The following KLHL8 variants were observed in gnomAD, a reference collection of about 807,000 sequenced individuals.
KLHL8 encodes the protein kelch like family member 8.
In KLHL8, 38 loss-of-function variants were observed where a neutral mutation model predicts 63.5. The ratio of observed to expected loss-of-function variants is 0.60; its 90% CI spans 0.46 to 0.78. The LOEUF is 0.78. Ranked by LOEUF, KLHL8 falls within the 30% of genes least tolerant of loss-of-function variation. The pLI is 0.00. For synonymous variants in KLHL8, 224 were observed against 254.3 expected (o/e 0.88, Z 1.13); for missense variants, 566 against 752.4 (o/e 0.75, Z 2.90).
At chr4:87,195,226 T>C (rs907888757) in intron 2 of KLHL8, 98 bp downstream of exon 2, 6 of 833,964 alleles carry the variant, frequency 7.2e-6, no homozygotes, top group Admixed American at 2.7e-5. Context: ...GTATCAAATA[T>C]GTATAGCAAC....
chr4:87,221,520 T>A (rs570835395), upstream of KLHL8: 327 of 151,020 alleles, frequency 2.2e-3, 2 homozygotes, highest in African/African-American at 7.1e-3. Context: ...AAAAACAAAA[T>A]TTTTTTTAAA....
chr4:87,194,666 A>C (rs994350803), intron 2 of KLHL8, among the ~76,000 whole-genome samples: 1 of 152,254 alleles, frequency 6.6e-6, no homozygotes, highest in African/African-American at 2.4e-5. Flanking sequence ...ATGTGTAATG[A>C]GAAACAATCA....
chr4:87,214,448 AT>A (rs1391521024), intron 1 of KLHL8, among the ~76,000 whole-genome samples: 9 of 97,374 alleles, frequency 9.2e-5, no homozygotes, highest in African/African-American at 3.4e-4. Context: ...ATATATATAT[AT>A]ATATATATAT....
chr4:87,216,232 C>G (rs1732590664), intron 1 of KLHL8, among the ~76,000 whole-genome samples: 1 of 152,144 alleles, frequency 6.6e-6, no homozygotes, highest in Non-Finnish European at 1.5e-5. Context: ...GTAGAAGTAG[C>G]AGCACTATTA....
At chr4:87,166,150 G>A (rs1369129865) in intron 8 of KLHL8, among the ~76,000 whole-genome samples, 2 of 152,198 alleles carry the variant, frequency 1.3e-5, no homozygotes, top group Non-Finnish European at 2.9e-5. Flanking sequence ...GTGAACATGA[G>A]TAAATTATTC....
At chr4:87,195,240 A>G (rs1039759187) in intron 2 of KLHL8, 84 bp downstream of exon 2, 2 of 1,040,292 alleles carry the variant, frequency 1.9e-6, no homozygotes, top group Non-Finnish European at 2.8e-6. Flanking sequence ...TAGCAACAAA[A>G]TTTGCCTTGT....
chr4:87,175,174 C>A (rs1352606320), intron 6 of KLHL8, among the ~76,000 whole-genome samples: 1 of 152,056 alleles, frequency 6.6e-6, no homozygotes, highest in East Asian at 1.9e-4. Flanking sequence ...AAACATCCAC[C>A]CAAAATAAAT....
At chr4:87,200,062 G>A (rs997722632) in intron 1 of KLHL8, among the ~76,000 whole-genome samples, 1 of 143,274 alleles carries the variant, frequency 7.0e-6, no homozygotes, top group African/African-American at 2.6e-5. Flanking sequence ...GATCACTTGA[G>A]CCCAAGAATT....
At chr4:87,166,086 C>G (rs753212353) in intron 8 of KLHL8, among the ~76,000 whole-genome samples, 42 of 152,214 alleles carry the variant, frequency 2.8e-4, no homozygotes, top group Non-Finnish European at 5.3e-4. Flanking sequence ...AACATAAGAA[C>G]TTTGGATTCA....
chr4:87,191,776 C>A (rs1731500583), intron 2 of KLHL8, among the ~76,000 whole-genome samples: 1 of 151,564 alleles, frequency 6.6e-6, no homozygotes, highest in Non-Finnish European at 1.5e-5. Context: ...CTCCTTCCCC[C>A]ATATTGTATC....
At chr4:87,173,386 C>CCAAAG (rs1393608856) in intron 6 of KLHL8, among the ~76,000 whole-genome samples, 2 of 152,148 alleles carry the variant, frequency 1.3e-5, no homozygotes, top group Non-Finnish European at 2.9e-5. Context: ...ATCTTTACCA[C>CCAAAG]TTGGTGTGTC....
chr4:87,211,488 A>G (rs999149313), intron 1 of KLHL8, among the ~76,000 whole-genome samples: 6 of 152,174 alleles, frequency 3.9e-5, no homozygotes, highest in Admixed American at 3.3e-4. Flanking sequence ...TACTGCCGTG[A>G]CTTTAAAAAA....
rs183303895 is a variant in KLHL8, at chr4:87,168,048, C to A, written c.1537+2031G>T. Among the ~76,000 whole-genome samples, 7 of 152,312 alleles carry A rather than the reference C, an allele frequency of 4.6e-5. No homozygotes were observed. The East Asian group carries it at 1.4e-3, about 29-fold the overall frequency. On this transcript the variant is annotated intron_variant, in intron 8 of 9. Transcript: ENST00000273963. ...CTCTCTTTACCCCACACCCCGCCCC[C>A]CGCCTTACCTTTATGGTTAAAGGGG...
At chr4:87,211,092 CAT>C (rs1018581780) in intron 1 of KLHL8, among the ~76,000 whole-genome samples, 38 of 152,246 alleles carry the variant, frequency 2.5e-4, no homozygotes, top group African/African-American at 8.9e-4. Flanking sequence ...TCAGTAAACA[CAT>C]ATAACACAAT....
intron 1 of KLHL8, among the ~76,000 whole-genome samples, chr4:87,231,159 G>C (rs1382047731): frequency 6.6e-6 from 1 of 152,184 alleles, no homozygotes; most frequent in Non-Finnish European, 1.5e-5. Context: ...CACCTGCCCG[G>C]TGGGGGCAAC....
At chr4:87,205,186 C>T (rs776322675) in intron 1 of KLHL8, among the ~76,000 whole-genome samples, 8 of 152,166 alleles carry the variant, frequency 5.3e-5, no homozygotes, top group African/African-American at 1.2e-4. Flanking sequence ...CTAGGAGGAT[C>T]GCTTGGGCCC....
At chr4:87,214,047 T>C (rs1025309039) in intron 1 of KLHL8, among the ~76,000 whole-genome samples, 1 of 152,166 alleles carries the variant, frequency 6.6e-6, no homozygotes, top group Non-Finnish European at 1.5e-5. Context: ...TAAACAGATG[T>C]TATTACTTTT....
chr4:87,212,578 C>T (rs543944600), intron 1 of KLHL8, among the ~76,000 whole-genome samples: 1 of 151,484 alleles, frequency 6.6e-6, no homozygotes, highest in East Asian at 1.9e-4. Context: ...GAGACCTTAT[C>T]TCAAAAAGAA....
At chr4:87,177,809 G>A (rs1278932444) in intron 5 of KLHL8, among the ~76,000 whole-genome samples, 2 of 151,854 alleles carry the variant, frequency 1.3e-5, no homozygotes, top group African/African-American at 2.4e-5. Flanking sequence ...ATCTTCCTAC[G>A]TTGCCCAGGC....
Sources: allele counts gnomAD v4.1 joint callset (sites outside exome capture counted in the v4.1 genomes callset), GRCh38; gene constraint gnomAD v4.1.1; transcripts MANE v1.5; gene names NCBI Gene and HGNC (gene_info 2026-07-23, HGNC 2026-07-21).